KLHL25: variants seen among roughly 807,000 people sequenced by gnomAD.
KLHL25 encodes kelch-like protein 25.
KLHL25 carries 41 observed loss-of-function variants against 30.0 expected under a neutral mutation model. That is an observed-to-expected ratio of 1.37 (90% confidence interval 1.07 to 1.78). The LOEUF (loss-of-function observed/expected upper bound fraction) is 1.78. KLHL25 is among the 40% of genes most tolerant of loss of function. The pLI is 0.00. For synonymous variants in KLHL25, 399 were observed against 355.3 expected, an observed-to-expected ratio of 1.12 and a Z score of -1.38; for missense variants, 971 against 824.5, an observed-to-expected ratio of 1.18 and a Z score of -2.18.
rs1020793567 is a variant in KLHL25 at position 85,789,690 on chromosome 15, G to C, written c.-11+5076C>G. Among the ~76,000 whole-genome samples, 1 of 152,086 alleles carries C rather than the reference G, an allele frequency of 6.6e-6. No individual in the cohort carries two copies. Among genetic ancestry groups the C allele is most frequent in the African/African-American group, 2.4e-5 (1 of 41,418 alleles). Reference sequence around the variant, plus strand: ...GAGGGGGTCATCCTGGTGCTCCCACGAACTGCTGCCCAGCTCCCTGCCCAC... The same window carrying C: ...GAGGGGGTCATCCTGGTGCTCCCACCAACTGCTGCCCAGCTCCCTGCCCAC... On this transcript the variant is annotated intron_variant, in intron 1 of 2. Coordinates refer to ENST00000337975, the MANE Select transcript of KLHL25 (RefSeq NM_022480.4). The surrounding 1 kb of genome is among the most constrained non-coding windows in gnomAD (Gnocchi z 4.1).
chr15:85,770,568 C>A (rs1462540343), intron 1 of KLHL25: 3 of 533,312 alleles, frequency 5.6e-6, no homozygotes, highest in East Asian at 5.5e-5. Flanking sequence ...GGGCTCTTTA[C>A]CTAGCTGGGG....
intron 2 of KLHL25, chr15:85,764,470 A>G: frequency 6.6e-6 from 1 of 152,506 alleles, no homozygotes; most frequent in Non-Finnish European, 1.5e-5. Flanking sequence ...AAGGAAGCAC[A>G]CAGCCCAGAA....
At chr15:85,766,284 G>A (rs570445520) in intron 2 of KLHL25, among the ~76,000 whole-genome samples, 1 of 152,322 alleles carries the variant, frequency 6.6e-6, no homozygotes, top group South Asian at 2.1e-4. Flanking sequence ...TCCTGTGCTG[G>A]AGGCAGAGTG....
intron 1 of KLHL25, among the ~76,000 whole-genome samples, chr15:85,785,317 T>A (rs1274436459): frequency 6.6e-6 from 1 of 152,084 alleles, no homozygotes; most frequent in African/African-American, 2.4e-5. Context: ...ATGGTCTCGA[T>A]CTCCTGACCT....
chr15:85,783,947 A>T (rs988702214), intron 1 of KLHL25, among the ~76,000 whole-genome samples: 4 of 152,188 alleles, frequency 2.6e-5, no homozygotes, highest in African/African-American at 9.6e-5. Context: ...GGGTGACAAT[A>T]ACTGTCCTGA....
At chr15:85,767,258 G>A (rs975897974) in intron 2 of KLHL25, among the ~76,000 whole-genome samples, 6 of 152,248 alleles carry the variant, frequency 3.9e-5, no homozygotes, top group African/African-American at 1.2e-4. Flanking sequence ...CAAAGTGCTG[G>A]GGTTACAGGC....
intron 1 of KLHL25, among the ~76,000 whole-genome samples, chr15:85,773,163 C>A (rs948934923): frequency 5.9e-5 from 9 of 152,242 alleles, no homozygotes; most frequent in African/African-American, 2.2e-4. Context: ...AAGGCAGGGA[C>A]CATGTGTGGG....
chr15:85,769,752 A>G lies in KLHL25; in HGVS notation c.59T>C (p.Val20Ala), dbSNP rs1168783577. ...KSRSSTGSMN[V>A]TLFHKASHPD... ...GTGGGAGGCCTTGTGGAAGAGGGTG[A>G]CGTTCATGGACCCCGTGCTGCTCCG... is the stretch of plus-strand genomic sequence containing the variant. The change falls in exon 2 of 3, where the codon GTC becomes GCC. Residue 20 changes from valine to alanine, a missense_variant. By Grantham distance (64) the Val-to-Ala change is moderately conservative. Transcript: ENST00000337975. 3 of 1,613,584 alleles carry G rather than the reference A, an allele frequency of 1.9e-6. No individual in the cohort carries two copies. Among genetic ancestry groups the G allele is most frequent in the African/African-American group, 1.3e-5 (1 of 75,060 alleles).
At chr15:85,770,141 C>T (rs2089661461) in intron 1 of KLHL25, among the ~76,000 whole-genome samples, 1 of 152,216 alleles carries the variant, frequency 6.6e-6, no homozygotes, top group African/African-American at 2.4e-5. Context: ...AACATGCAAA[C>T]GGTGTTCCTG....
chr15:85,768,944 C>CG lies in KLHL25; in HGVS notation c.866_867insC (p.Pro290AlafsTer19). ...GTAGCGTGTGGCCCGCCTTGCGTGG[C>CG]CGGGCACAGGGGCTGGTGACCACGC... is the stretch of plus-strand genomic sequence containing the variant. On this transcript the variant is annotated frameshift_variant, in exon 2 of 3. Coordinates refer to ENST00000337975, the MANE Select transcript of KLHL25 (RefSeq NM_022480.4). LOFTEE classifies it high-confidence loss of function. The CG allele has an allele frequency of 6.2e-7, 1 of 1,613,320 alleles. No homozygotes were observed. Among genetic ancestry groups the CG allele is most frequent in the East Asian group, 2.2e-5 (1 of 44,866 alleles).
chr15:85,768,924 G>A lies in KLHL25; in HGVS notation c.887C>T (p.Thr296Met). The A allele has an allele frequency of 1.2e-6, 2 of 1,613,328 alleles. No individual in the cohort carries two copies. The highest frequency in any genetic ancestry group is 1.7e-6 in the Non-Finnish European group (2 of 1,180,046). Residue 296 changes from threonine to methionine, a missense_variant, in exon 2 of 3, where the codon ACG (threonine) becomes ATG (methionine). By Grantham distance (81) the Thr-to-Met change is moderately conservative. Coordinates refer to ENST00000337975, the MANE Select transcript of KLHL25 (RefSeq NM_022480.4). The stretch of plus-strand genomic sequence containing the variant: ...GGTCTGGCCCCCCAGGATGAGTAGC[G>A]TGTGGCCCGCCTTGCGTGGCCGGGC... ...PCARPRKAGH[T>M]LLILGGQTFM...
chr15:85,772,136 G>T (rs991848141), intron 1 of KLHL25, among the ~76,000 whole-genome samples: 1 of 151,978 alleles, frequency 6.6e-6, no homozygotes, highest in East Asian at 1.9e-4. Flanking sequence ...CCACCCCACA[G>T]TGTCAGGACA....
At chr15:85,794,636 C>T (rs544619153) in intron 1 of KLHL25, 130 bp downstream of exon 1, 1 of 152,192 alleles carries the variant, frequency 6.6e-6, no homozygotes, top group African/African-American at 2.4e-5. Flanking sequence ...CCTCCCGGGA[C>T]ACGTAGTCCC....
Position 85,769,539 on chromosome 15 carries a change from T to C in KLHL25, c.272A>G (p.Asp91Gly). 1 of 1,613,890 alleles carries C rather than the reference T, an allele frequency of 6.2e-7. No individual in the cohort carries two copies. Among genetic ancestry groups the C allele is most frequent in the Non-Finnish European group, 8.5e-7 (1 of 1,180,030 alleles). The change falls in exon 2 of 3, where the codon GAC becomes GGC. Residue 91 changes from aspartate (D) to glycine (G), a missense_variant. Asp to Gly is a moderately conservative substitution (Grantham distance 94). Coordinates refer to ENST00000337975, the MANE Select transcript of KLHL25 (RefSeq NM_022480.4). ...ESRDDTVNFQ[D>G]NLHPEVLELL... The stretch of plus-strand genomic sequence containing the variant: ...CTCCAGCACCTCCGGGTGCAGGTTG[T>C]CCTGGAAGTTGACAGTGTCATCCCG...
intron 1 of KLHL25, among the ~76,000 whole-genome samples, chr15:85,792,107 G>T (rs994982808): frequency 6.6e-6 from 1 of 152,218 alleles, no homozygotes; most frequent in African/African-American, 2.4e-5. Flanking sequence ...GTATGGCAAT[G>T]AGGTGGTCAA....
chr15:85,780,515 C>T (rs2089736377), intron 1 of KLHL25, among the ~76,000 whole-genome samples: 1 of 152,232 alleles, frequency 6.6e-6, no homozygotes, highest in Non-Finnish European at 1.5e-5. Context: ...ATTAAAAGCA[C>T]TCTGGCCTAG....
chr15:85,780,039 C>T (rs773946791), intron 1 of KLHL25, among the ~76,000 whole-genome samples: 2 of 152,212 alleles, frequency 1.3e-5, no homozygotes, highest in Non-Finnish European at 2.9e-5. Context: ...AACGAAGAGG[C>T]TTCTTTCAGC....
chr15:85,789,512 C>T lies in KLHL25; in HGVS notation c.-11+5254G>A, dbSNP rs1351554442. On this transcript the variant is annotated intron_variant, in intron 1 of 2. Coordinates refer to ENST00000337975, the MANE Select transcript of KLHL25 (RefSeq NM_022480.4). The surrounding 1 kb of genome is among the most constrained non-coding windows in gnomAD (Gnocchi z 4.1). ...TCTCCTGTCTCAGCCTCCCAAGTAG[C>T]TGGAATTATAGGCGCCTGCCACCAT... Among the ~76,000 whole-genome samples, 3 of 152,172 alleles carry T rather than the reference C, an allele frequency of 2.0e-5. No individual in the cohort carries two copies. The highest frequency in any genetic ancestry group is 4.4e-5 in the Non-Finnish European group (3 of 68,032).
At chr15:85,773,018 C>A (rs1028649656) in intron 1 of KLHL25, among the ~76,000 whole-genome samples, 1 of 152,254 alleles carries the variant, frequency 6.6e-6, no homozygotes, top group Admixed American at 6.5e-5. Context: ...CTGATGGCAG[C>A]CACTCACTCA....
Sources: allele counts gnomAD v4.1 joint callset (sites outside exome capture counted in the v4.1 genomes callset), GRCh38; gene constraint gnomAD v4.1.1; non-coding constraint Gnocchi (gnomAD v3.1); transcripts MANE v1.5; gene names NCBI Gene and HGNC (gene_info 2026-07-23, HGNC 2026-07-21).